The following CUL4A variants were observed in gnomAD, a reference collection of about 807,000 sequenced individuals.
CUL4A encodes the protein cullin-4A.
Under a neutral mutation model 95.5 loss-of-function variants are expected in CUL4A, and 16 were observed. The observed-to-expected ratio is 0.17, with a 90% CI of 0.11 to 0.25. The LOEUF (loss-of-function observed/expected upper bound fraction) is 0.25. Ranked by LOEUF, CUL4A falls within the 10% of genes least tolerant of loss-of-function variation. The probability of loss-of-function intolerance (pLI) is 1.00; values close to 1 mark genes in which losing one functional copy is unlikely to be tolerated. For synonymous variants in CUL4A, 380 were observed against 353.1 expected, an observed-to-expected ratio of 1.08 and a Z score of -0.85; for missense variants, 610 against 937.0, an observed-to-expected ratio of 0.65 and a Z score of 4.56.
intron 3 of CUL4A, chr13:113,219,437 A>T (rs1400903470): frequency 6.0e-6 from 1 of 167,450 alleles, no homozygotes; most frequent in Non-Finnish European, 1.3e-5. Context: ...GCCAGGCAGG[A>T]TTCAGTGGAT....
intron 2 of CUL4A, among the ~76,000 whole-genome samples, chr13:113,214,063 A>G (rs1250130774): frequency 6.6e-6 from 1 of 152,222 alleles, no homozygotes; most frequent in Non-Finnish European, 1.5e-5. Context: ...GGGGTGGTGT[A>G]TACTTTGCCA....
Position 113,260,768 on chromosome 13 carries a change from A to C in CUL4A, c.2184+9A>C. 2 of 1,536,978 alleles carry C rather than the reference A, an allele frequency of 1.3e-6. No individual in the cohort carries two copies. Among genetic ancestry groups the C allele is most frequent in the Non-Finnish European group, 1.8e-6 (2 of 1,127,296 alleles). On this transcript the variant is annotated intron_variant, in intron 19 of 19. Transcript: ENST00000375440. Reference sequence around the variant, plus strand: ...TGAAATTTCCAGTAAAGGTAAATGTAACATTAGCATAATTAAATTTGTAGT... The same window carrying C: ...TGAAATTTCCAGTAAAGGTAAATGTCACATTAGCATAATTAAATTTGTAGT...
At chr13:113,224,745 G>C (rs934574848) in intron 3 of CUL4A, among the ~76,000 whole-genome samples, 1 of 152,256 alleles carries the variant, frequency 6.6e-6, no homozygotes, top group African/African-American at 2.4e-5. Context: ...ACAACACCCT[G>C]AGCCGTAGGT....
intron 8 of CUL4A, among the ~76,000 whole-genome samples, chr13:113,235,947 G>A (rs1210480138): frequency 1.3e-5 from 2 of 151,466 alleles, no homozygotes; most frequent in Non-Finnish European, 2.9e-5. Flanking sequence ...CTCCAGCCTG[G>A]GCGACAGAGC....
chr13:113,215,093 C>A (rs943406777), intron 2 of CUL4A, among the ~76,000 whole-genome samples: 1 of 143,260 alleles, frequency 7.0e-6, no homozygotes, highest in Non-Finnish European at 1.5e-5. Flanking sequence ...GGTCGCGTCC[C>A]GTGTGGCTGT....
chr13:113,255,206 A>G (rs972702769), intron 18 of CUL4A, 81 bp downstream of exon 18: 1 of 984,604 alleles, frequency 1.0e-6, no homozygotes, highest in African/African-American at 1.6e-5. Flanking sequence ...TTTGGCTGTT[A>G]GAGGCCTGAA....
chr13:113,235,240 C>A, intron 8 of CUL4A, 95 bp downstream of exon 8: 1 of 810,560 alleles, frequency 1.2e-6, no homozygotes, highest in Admixed American at 2.2e-5. Flanking sequence ...TTTGTCAATT[C>A]ATTCAGTACT....
intron 1 of CUL4A, 41 bp from the exon 2 acceptor site, chr13:113,209,932 G>T: frequency 7.0e-7 from 1 of 1,422,458 alleles, no homozygotes; most frequent in South Asian, 1.4e-5. Flanking sequence ...GGGGCGCTTC[G>T]CGGCGCGCCC....
At chr13:113,224,691 T>G (rs1232772078) in intron 3 of CUL4A, among the ~76,000 whole-genome samples, 1 of 152,276 alleles carries the variant, frequency 6.6e-6, no homozygotes, top group Non-Finnish European at 1.5e-5. Context: ...GAGCACTTGC[T>G]GGCAGTAGGC....
chr13:113,263,583 C>T lies in CUL4A; in HGVS notation c.*1C>T, dbSNP rs11552923. The T allele has an allele frequency of 2.8e-5, 44 of 1,569,906 alleles. No homozygotes were observed. The highest frequency in any genetic ancestry group is 2.2e-4 in the African/African-American group (16 of 72,994). Reference sequence around the variant, plus strand: ...GAATCAGTACCACTACGTGGCCTGACGCATCTGCAGACGGTTCCCCTTCAT... The same window carrying T: ...GAATCAGTACCACTACGTGGCCTGATGCATCTGCAGACGGTTCCCCTTCAT... On this transcript the variant is annotated 3_prime_UTR_variant, in exon 20 of 20. Transcript: ENST00000375440.
In CUL4A at chr13:113,232,079, C is replaced by CGCCCACCACCATTACTGTCACCACTACCT. The variant is rs1566343085; in HGVS notation, c.513-1070_513-1069insTGCCCACCACCATTACTGTCACCACTACC. ...CACCACCATTACTGTCACCACTACC[C>CGCCCACCACCATTACTGTCACCACTACCT]GCCCACCACCATTACTGTCACCACT... On this transcript the variant is annotated intron_variant, in intron 5 of 19. Transcript: ENST00000375440. Among the ~76,000 whole-genome samples, 25 of 20,054 alleles carry CGCCCACCACCATTACTGTCACCACTACCT rather than the reference C, an allele frequency of 1.2e-3. 2 individuals are homozygous for CGCCCACCACCATTACTGTCACCACTACCT. The highest frequency in any genetic ancestry group is 0.028 in the Middle Eastern group (1 of 36). The allele number at this position is 20,054 out of a possible 152,430, so 13.2% of individuals were successfully genotyped here. A position where few individuals can be genotyped will look rare whatever the true frequency, so the allele number is the denominator to read the frequency against.
intron 19 of CUL4A, among the ~76,000 whole-genome samples, chr13:113,261,942 A>G (rs1477738510): frequency 6.6e-6 from 1 of 152,024 alleles, no homozygotes; most frequent in Non-Finnish European, 1.5e-5. Context: ...CACCACACCC[A>G]GCTAATTTTT....
Position 113,209,646 on chromosome 13 carries a change from C to A in CUL4A, c.19C>A (p.Arg7=), listed in dbSNP as rs1595326472. Residue 7 remains arginine, a synonymous_variant, in exon 1 of 20, where the codon CGG becomes AGG. Coordinates refer to ENST00000375440, the MANE Select transcript of CUL4A (RefSeq NM_001008895.4). ...CCCAGCCATGGCGGACGAGGCCCCGCGGAAGGGCAGCTTCTCGGCGCTCGT... is the reference window on the plus strand; with the variant it reads ...CCCAGCCATGGCGGACGAGGCCCCGAGGAAGGGCAGCTTCTCGGCGCTCGT... MADEAP[R]KGSFSALVGR... 1 of 1,109,572 alleles carries A rather than the reference C, an allele frequency of 9.0e-7. No individual in the cohort carries two copies. The highest frequency in any genetic ancestry group is 4.3e-5 in the South Asian group (1 of 23,230). The allele number at this position is 1,109,572 out of a possible 1,614,324, so 68.7% of individuals were successfully genotyped here. A position where few individuals can be genotyped will look rare whatever the true frequency, so the allele number is the denominator to read the frequency against.
Position 113,233,718 on chromosome 13 carries a change from A to C in CUL4A, c.676-179A>C, listed in dbSNP as rs1308917924. Among the ~76,000 whole-genome samples, 6 of 152,210 alleles carry C rather than the reference A, an allele frequency of 3.9e-5. No individual in the cohort carries two copies. The South Asian group carries it at 1.2e-3, about 32-fold the overall frequency. On this transcript the variant is annotated intron_variant, in intron 6 of 19. Coordinates refer to ENST00000375440, the MANE Select transcript of CUL4A (RefSeq NM_001008895.4). ...GACCCCAAGGCACTATAGGAAGAGA[A>C]CAGAGGAGGGCCTGCCCGGCCGTTT...
intron 15 of CUL4A, among the ~76,000 whole-genome samples, chr13:113,249,730 G>A (rs893996312): frequency 1.3e-5 from 2 of 152,052 alleles, no homozygotes; most frequent in African/African-American, 4.8e-5. Context: ...TAGCAATCAC[G>A]AGAGCTTCCC....
chr13:113,218,804 T>C, intron 2 of CUL4A, 141 bp from the exon 3 acceptor site: 1 of 591,862 alleles, frequency 1.7e-6, no homozygotes, highest in Non-Finnish European at 3.0e-6. Flanking sequence ...TAATAAGTAA[T>C]TTATTTGTAG....
intron 9 of CUL4A, among the ~76,000 whole-genome samples, chr13:113,238,453 G>T (rs940309480): frequency 8.6e-5 from 13 of 151,648 alleles, no homozygotes; most frequent in African/African-American, 2.9e-4. Flanking sequence ...AGAGAAAAAA[G>T]ATTTCAAGTA....
At chr13:113,209,942 C>T (rs750478917) in intron 1 of CUL4A, 31 bp from the exon 2 acceptor site, 3 of 1,470,140 alleles carry the variant, frequency 2.0e-6, no homozygotes, top group South Asian at 2.6e-5. Context: ...GCGGCGCGCC[C>T]TGAGCCGCCC....
chr13:113,234,118 T>C, intron 7 of CUL4A, 132 bp downstream of exon 7: 4 of 581,028 alleles, frequency 6.9e-6, no homozygotes, highest in Non-Finnish European at 9.2e-6. Context: ...AGCTGCAATC[T>C]TGCCAGAATC....
Sources: gnomAD v4.1 joint callset for allele counts (sites outside exome capture counted in the v4.1 genomes callset) on GRCh38, gnomAD v4.1.1 for gene constraint, MANE v1.5 for transcripts, NCBI Gene and HGNC (gene_info 2026-07-23, HGNC 2026-07-21) for gene names.